GLIS3: variants seen among roughly 807,000 people sequenced by gnomAD.
GLIS3 encodes zinc finger protein GLIS3.
In GLIS3, 53 loss-of-function variants were observed where a neutral mutation model predicts 78.6. The observed-to-expected ratio is 0.67, with a 90% CI of 0.54 to 0.85. GLIS3 has a LOEUF of 0.85. GLIS3 is among the 40% of genes least tolerant of loss of function. The pLI is 0.00. For synonymous variants in GLIS3, 684 were observed against 509.9 expected (o/e 1.34, Z -4.60); for missense variants, 1,703 against 1,231.1 (o/e 1.38, Z -5.74).
intron 2 of GLIS3, among the ~76,000 whole-genome samples, chr9:4,154,616 C>G (rs1227702996): frequency 3.8e-5 from 4 of 105,952 alleles, no homozygotes; most frequent in Non-Finnish European, 7.9e-5. Flanking sequence ...CAATGATAAA[C>G]ATTCATGTAG....
intron 2 of GLIS3, among the ~76,000 whole-genome samples, chr9:4,250,444 G>A (rs943128426): frequency 2.6e-5 from 4 of 152,168 alleles, no homozygotes; most frequent in African/African-American, 7.2e-5. Context: ...TTGTATTTCT[G>A]TGGGATCAGT....
chr9:4,006,115 A>G (rs1377760871), intron 4 of GLIS3, among the ~76,000 whole-genome samples: 3 of 152,028 alleles, frequency 2.0e-5, no homozygotes, highest in Non-Finnish European at 4.4e-5. Context: ...CTTTCAATGG[A>G]CTTTCCACAA....
the GLIS3 span, among the ~76,000 whole-genome samples, chr9:4,443,727 A>G: frequency 1.3e-5 from 2 of 152,248 alleles, no homozygotes; most frequent in African/African-American, 4.8e-5. Context: ...AAAAGGAGTA[A>G]CAGGCTTATA....
At chr9:4,053,382 CA>C (rs1183877986) in intron 4 of GLIS3, among the ~76,000 whole-genome samples, 1 of 152,140 alleles carries the variant, frequency 6.6e-6, no homozygotes, top group Non-Finnish European at 1.5e-5. Flanking sequence ...AAGCAAGTTG[CA>C]AAGCTCCTCC....
intron 4 of GLIS3, among the ~76,000 whole-genome samples, chr9:4,032,020 CT>C (rs1823878188): frequency 6.6e-6 from 1 of 152,070 alleles, no homozygotes; most frequent in Non-Finnish European, 1.5e-5. Flanking sequence ...CCAGGAGGTC[CT>C]TTTAGCCTAG....
At chr9:4,252,411 G>A (rs542820749) in intron 2 of GLIS3, among the ~76,000 whole-genome samples, 64 of 151,946 alleles carry the variant, frequency 4.2e-4, no homozygotes, top group African/African-American at 1.4e-3. Context: ...CCACTGATAC[G>A]TGGGTATGCT....
At chr9:4,353,638 G>A in the GLIS3 span, among the ~76,000 whole-genome samples, 1 of 152,096 alleles carries the variant, frequency 6.6e-6, no homozygotes, top group African/African-American at 2.4e-5. Flanking sequence ...CCCAAAACGG[G>A]CCGTAATCTG....
At chr9:4,054,604 C>T (rs560829633) in intron 4 of GLIS3, 17 of 378,728 alleles carry the variant, frequency 4.5e-5, no homozygotes, top group Admixed American at 1.3e-4. Context: ...ACATTCAGAG[C>T]TTAAAGATCT....
intron 2 of GLIS3, among the ~76,000 whole-genome samples, chr9:4,266,068 G>A (rs1247751577): frequency 2.6e-5 from 4 of 151,890 alleles, no homozygotes; most frequent in African/African-American, 9.7e-5. Context: ...ACAGGCACCC[G>A]CCACCATGCC....
rs116019347 is a variant in GLIS3 at position 4,294,517 on chromosome 9, A to C, written c.-99+4904T>G. 5.2e-3 allele frequency among the ~76,000 whole-genome samples: 791 copies of C among 152,252 alleles called. 9 individuals are homozygous for C. The highest frequency in any genetic ancestry group is 0.018 in the African/African-American group (738 of 41,546). ...AGAGCGAAATTATGTCTCAAAAAAA[A>C]AAAAAATTACAGAATAATAAATGAG... On this transcript the variant is annotated intron_variant, in intron 1 of 10. Transcript: ENST00000381971.
rs548021637 is a variant in GLIS3, at chr9:4,253,387, C to T, written c.388+32651G>A. ...TGGGCTCTGCCCAGTTTGAAATTCC[C>T]CGTGGCTTTGTTTACACTATGAGGG... On this transcript the variant is annotated intron_variant, in intron 2 of 10. Transcript: ENST00000381971. 2.6e-5 allele frequency among the ~76,000 whole-genome samples: 4 copies of T among 152,334 alleles called. No homozygotes were observed. In the South Asian group the frequency reaches 8.3e-4, roughly 32 times the overall value.
At chr9:4,048,105 C>G (rs1172353027) in intron 4 of GLIS3, among the ~76,000 whole-genome samples, 1 of 152,146 alleles carries the variant, frequency 6.6e-6, no homozygotes, top group East Asian at 1.9e-4. Flanking sequence ...CATTTTGCCC[C>G]CATTTACTGC....
At chr9:4,464,451 G>A in the GLIS3 span, among the ~76,000 whole-genome samples, 1 of 151,806 alleles carries the variant, frequency 6.6e-6, no homozygotes, top group Non-Finnish European at 1.5e-5. Flanking sequence ...CTGGAGTGCA[G>A]TGGCACAATC....
intron 2 of GLIS3, among the ~76,000 whole-genome samples, chr9:4,274,833 A>G (rs1389523151): frequency 2.6e-5 from 4 of 152,172 alleles, no homozygotes; most frequent in Non-Finnish European, 4.4e-5. Context: ...AGAGGTCTGG[A>G]GTGCCCTGTA....
At chr9:3,973,966 G>GA (rs1188638774) in intron 4 of GLIS3, among the ~76,000 whole-genome samples, 1 of 152,052 alleles carries the variant, frequency 6.6e-6, no homozygotes, top group Non-Finnish European at 1.5e-5. Flanking sequence ...TTTCTTAAAA[G>GA]AAAATTCTTA....
At position 4,076,541 on chromosome 9, in the gene GLIS3, T is replaced by A. The variant is rs571764711; in HGVS notation, c.1710+41227A>T. Among the ~76,000 whole-genome samples, 18 of 152,272 alleles carry A rather than the reference T, an allele frequency of 1.2e-4. No homozygotes were observed. In the East Asian group the frequency reaches 1.4e-3, roughly 11 times the overall value. ...ATGAACTGTAAATTGTAAACTATAT[T>A]TAAAATACAAATAAGTAGATAAAAA... is the stretch of plus-strand genomic sequence containing the variant. On this transcript the variant is annotated intron_variant, in intron 4 of 10. Coordinates refer to ENST00000381971, the MANE Select transcript of GLIS3 (RefSeq NM_001042413.2).
At chr9:4,431,783 G>A in the GLIS3 span, among the ~76,000 whole-genome samples, 1 of 148,978 alleles carries the variant, frequency 6.7e-6, no homozygotes, top group Non-Finnish European at 1.5e-5. Context: ...GGTGGAGGTT[G>A]TAGCGAGCCT....
At chr9:4,368,214 C>G in the GLIS3 span, among the ~76,000 whole-genome samples, 2 of 152,136 alleles carry the variant, frequency 1.3e-5, no homozygotes, top group Non-Finnish European at 2.9e-5. Flanking sequence ...CTCAGTATCT[C>G]CAAAGAAAAT....
chr9:4,250,251 G>C (rs773688228), intron 2 of GLIS3, among the ~76,000 whole-genome samples: 10 of 152,070 alleles, frequency 6.6e-5, no homozygotes, highest in South Asian at 2.1e-4. Context: ...TCTGGTCCTG[G>C]GCTTTTTTTG....
Sources: gnomAD v4.1 joint callset for allele counts (sites outside exome capture counted in the v4.1 genomes callset) on GRCh38, gnomAD v4.1.1 for gene constraint, MANE v1.5 for transcripts, NCBI Gene and HGNC (gene_info 2026-07-23, HGNC 2026-07-21) for gene names.